DIAPH3: variants seen among roughly 807,000 people sequenced by gnomAD.
The protein encoded by DIAPH3 is protein diaphanous homolog 3.
Under a neutral mutation model 144.3 loss-of-function variants are expected in DIAPH3, and 117 were observed. The observed-to-expected ratio is 0.81, with a 90% CI of 0.70 to 0.95. The LOEUF is 0.95. Among genes scored for constraint, DIAPH3 ranks in the 40% least tolerant of loss-of-function variants. The pLI is 0.00. For missense variants in DIAPH3, 1,421 were observed against 1,412.7 expected (o/e 1.01, Z -0.09); for synonymous variants, 519 against 488.9 (o/e 1.06, Z -0.81).
At chr13:59,874,422 T>G (rs180882317) in intron 21 of DIAPH3, among the ~76,000 whole-genome samples, 65 of 152,332 alleles carry the variant, frequency 4.3e-4, no homozygotes, top group Middle Eastern at 6.8e-3. Flanking sequence ...ATGAAGTTAT[T>G]CTACTTTTTC....
intron 19 of DIAPH3, among the ~76,000 whole-genome samples, chr13:59,914,365 T>C (rs111731691): frequency 6.6e-6 from 1 of 152,226 alleles, no homozygotes; most frequent in Non-Finnish European, 1.5e-5. Context: ...ACCTTATATA[T>C]GTTCAAAATA....
At position 59,911,792 on chromosome 13, in the gene DIAPH3, C is replaced by T. The variant is rs2047008088; in HGVS notation, c.2310G>A (p.Leu770=). 1.9e-6 allele frequency: 3 copies of T among 1,613,430 alleles called. No individual in the cohort carries two copies. The highest frequency in any genetic ancestry group is 2.5e-6 in the Non-Finnish European group (3 of 1,179,670). Residue 770 remains leucine (L), a synonymous_variant, in exon 20 of 28, where the codon TTG becomes TTA. Transcript: ENST00000400324. Reference sequence around the variant, plus strand: ...TGCTATATTCACTCTTGAACTGAGACAATGAATTTAATTGCTCTTGATCAG... The same window carrying T: ...TGCTATATTCACTCTTGAACTGAGATAATGAATTTAATTGCTCTTGATCAG... ...HLPDQEQLNS[L]SQFKSEYSNL...
intron 17 of DIAPH3, among the ~76,000 whole-genome samples, chr13:59,925,095 C>T (rs1431077747): frequency 2.6e-5 from 4 of 151,958 alleles, no homozygotes; most frequent in Non-Finnish European, 5.9e-5. Flanking sequence ...ATTTGAAGGT[C>T]TAACAGGAAA....
At chr13:59,997,200 C>T (rs1307943899) in intron 9 of DIAPH3, among the ~76,000 whole-genome samples, 1 of 152,004 alleles carries the variant, frequency 6.6e-6, no homozygotes, top group East Asian at 1.9e-4. Context: ...TTCATCCTTC[C>T]TCCTCTGCCC....
At chr13:59,713,095 G>C (rs116518102) in intron 27 of DIAPH3, among the ~76,000 whole-genome samples, 177 of 152,288 alleles carry the variant, frequency 1.2e-3, no homozygotes, top group African/African-American at 4.2e-3. Context: ...GTGCCACCCA[G>C]TTCCTAACAT....
chr13:59,982,638 T>C (rs1308765004), intron 13 of DIAPH3, among the ~76,000 whole-genome samples: 1 of 151,666 alleles, frequency 6.6e-6, no homozygotes, highest in Admixed American at 6.6e-5. Context: ...TTTGATGTTA[T>C]ATCGAAATCT....
chr13:60,050,782 GA>G (rs1453596729), intron 4 of DIAPH3, among the ~76,000 whole-genome samples: 1 of 137,720 alleles, frequency 7.3e-6, no homozygotes, highest in African/African-American at 2.8e-5. Flanking sequence ...ATTTTTTAAG[GA>G]TTTTTCTATC....
chr13:59,813,720 G>A (rs547237758), intron 24 of DIAPH3, among the ~76,000 whole-genome samples: 2 of 152,052 alleles, frequency 1.3e-5, no homozygotes, highest in East Asian at 3.9e-4. Context: ...TGGGTGTGGT[G>A]GCACACACCT....
intron 21 of DIAPH3, among the ~76,000 whole-genome samples, chr13:59,872,579 A>T (rs2044343023): frequency 6.6e-6 from 1 of 152,236 alleles, no homozygotes; most frequent in African/African-American, 2.4e-5. Context: ...ATAATGTTGC[A>T]TGTTTTGTCT....
At chr13:60,083,522 G>C (rs1452495452) in intron 4 of DIAPH3, among the ~76,000 whole-genome samples, 2 of 151,816 alleles carry the variant, frequency 1.3e-5, no homozygotes, top group Admixed American at 6.6e-5. Flanking sequence ...TCTCTGTGCA[G>C]GAAATACAGA....
intron 7 of DIAPH3, among the ~76,000 whole-genome samples, chr13:60,012,439 T>A (rs1164229978): frequency 6.6e-6 from 1 of 152,220 alleles, no homozygotes; most frequent in Non-Finnish European, 1.5e-5. Context: ...GGAAAAAGAA[T>A]GAAAAGGCAG....
Position 59,774,177 on chromosome 13 carries a change from A to G in DIAPH3, c.3319+12T>C. On this transcript the variant is annotated intron_variant, in intron 27 of 27. Coordinates refer to ENST00000400324, the MANE Select transcript of DIAPH3 (RefSeq NM_001042517.2). Reference sequence around the variant, plus strand: ...TAAGAAGAATGTGCAATTTATAAATACGGTTTATTACCATGGTTACAAACT... The same window carrying G: ...TAAGAAGAATGTGCAATTTATAAATGCGGTTTATTACCATGGTTACAAACT... 1.2e-6 allele frequency: 2 copies of G among 1,612,258 alleles called. No homozygotes were observed. Among genetic ancestry groups the G allele is most frequent in the Non-Finnish European group, 1.7e-6 (2 of 1,179,042 alleles).
rs766723798 is a variant in DIAPH3 at position 60,008,528 on chromosome 13, T to C, written c.1014+16A>G. 2.6e-6 allele frequency: 4 copies of C among 1,560,548 alleles called. No homozygotes were observed. The Admixed American group carries it at 5.0e-5, about 20-fold the overall frequency. Reference sequence around the variant, plus strand: ...ATGCCATTTAAAAACAGATTTTATATACACACAAAACTTACTTGCAGTTGA... The same window carrying C: ...ATGCCATTTAAAAACAGATTTTATACACACACAAAACTTACTTGCAGTTGA... On this transcript the variant is annotated intron_variant, in intron 9 of 27. Coordinates refer to ENST00000400324, the MANE Select transcript of DIAPH3 (RefSeq NM_001042517.2).
chr13:60,003,729 ACGCAAGGCAATTTTTTT>A, intron 9 of DIAPH3, among the ~76,000 whole-genome samples: 1 of 151,346 alleles, frequency 6.6e-6, no homozygotes, highest in African/African-American at 2.4e-5. Context: ...ACCCACCAAC[ACGCAAGGCAATTTTTTT>A]TTTCTTTGTA....
intron 17 of DIAPH3, among the ~76,000 whole-genome samples, chr13:59,944,006 G>A (rs1224082042): frequency 6.6e-6 from 1 of 152,036 alleles, no homozygotes; most frequent in East Asian, 1.9e-4. Flanking sequence ...GAGGCCAGGA[G>A]TTCAAGACCA....
intron 24 of DIAPH3, among the ~76,000 whole-genome samples, chr13:59,819,643 T>C (rs2040956090): frequency 1.3e-5 from 2 of 151,514 alleles, no homozygotes; most frequent in Admixed American, 1.3e-4. Context: ...AAAAAAAGGG[T>C]AATTGGACAG....
chr13:59,736,834 G>C (rs1011696892), intron 27 of DIAPH3, among the ~76,000 whole-genome samples: 2 of 151,972 alleles, frequency 1.3e-5, no homozygotes, highest in Admixed American at 1.3e-4. Flanking sequence ...CAACAGGATA[G>C]AGAAATAAGA....
chr13:60,130,586 G>A (rs991163236), intron 2 of DIAPH3, among the ~76,000 whole-genome samples: 3 of 152,210 alleles, frequency 2.0e-5, no homozygotes, highest in Non-Finnish European at 4.4e-5. Flanking sequence ...CTAGCGCCAA[G>A]CCAGGCTGAG....
At chr13:59,968,693 T>G (rs1280633167) in intron 17 of DIAPH3, among the ~76,000 whole-genome samples, 1 of 152,174 alleles carries the variant, frequency 6.6e-6, no homozygotes, top group Non-Finnish European at 1.5e-5. Flanking sequence ...TTGGAGAGAG[T>G]TTCTAATTTA....
Sources: allele counts gnomAD v4.1 joint callset (sites outside exome capture counted in the v4.1 genomes callset), GRCh38; gene constraint gnomAD v4.1.1; transcripts MANE v1.5; gene names NCBI Gene and HGNC (gene_info 2026-07-23, HGNC 2026-07-21).